NPIPB2: variants seen among roughly 807,000 people sequenced by gnomAD.
NPIPB2 encodes the protein nuclear pore complex-interacting protein family member B2.
NPIPB2 carries 27 observed loss-of-function variants against 30.8 expected under a neutral mutation model. The observed-to-expected ratio is 0.88, with a 90% CI of 0.65 to 1.21. The LOEUF is 1.21. NPIPB2 is among the 50% of genes most tolerant of loss of function. NPIPB2 has a pLI of 0.00. For synonymous variants in NPIPB2, 147 were observed against 162.0 expected (o/e 0.91, Z 0.70); for missense variants, 440 against 446.2 (o/e 0.99, Z 0.13).
chr16:11,964,987 C>A, intron 1 of NPIPB2: 1 of 367,834 alleles, frequency 2.7e-6, no homozygotes, highest in Non-Finnish European at 5.0e-6. Context: ...CGGCTTGATG[C>A]TGTGGGCTTG....
upstream of NPIPB2, among the ~76,000 whole-genome samples, chr16:11,942,935 T>C (rs1337224562): frequency 6.6e-6 from 1 of 151,532 alleles, no homozygotes. Flanking sequence ...CATAAGGTTA[T>C]TGTAAACAGG....
At chr16:11,965,160 C>T (rs924671976) in intron 1 of NPIPB2, 88 of 784,310 alleles carry the variant, frequency 1.1e-4, no homozygotes, top group Middle Eastern at 3.3e-4. Flanking sequence ...CCTTAGCTGC[C>T]GCGAAGACAC....
intron 1 of NPIPB2, chr16:11,965,431 C>T: frequency 6.2e-7 from 1 of 1,614,152 alleles, no homozygotes; most frequent in Non-Finnish European, 8.5e-7. Context: ...CCTCCTCTAA[C>T]ATGTCAGCGT....
intron 1 of NPIPB2, among the ~76,000 whole-genome samples, chr16:11,954,911 A>AG (rs1429477580): frequency 1.3e-5 from 2 of 151,692 alleles, no homozygotes; most frequent in East Asian, 1.9e-4. Flanking sequence ...CTGTCTCAAA[A>AG]AAAAAAAAAT....
At chr16:11,927,403 C>T (rs1163659196) in exon 8 of NPIPB2, 1 of 994,028 alleles carries the variant, frequency 1.0e-6, no homozygotes, top group Non-Finnish European at 1.5e-6. Flanking sequence ...CTGTTCTCAG[C>T]TTACTCAACC....
intron 1 of NPIPB2, among the ~76,000 whole-genome samples, chr16:11,947,405 C>T (rs891449240): frequency 1.5e-4 from 23 of 150,096 alleles, no homozygotes; most frequent in African/African-American, 4.9e-4. Flanking sequence ...AGTGCAGTGG[C>T]GCGATCTCGG....
At chr16:11,939,157 C>T (rs946156739) in intron 1 of NPIPB2, among the ~76,000 whole-genome samples, 2 of 151,846 alleles carry the variant, frequency 1.3e-5, no homozygotes, top group African/African-American at 4.8e-5. Context: ...TAATACTTCT[C>T]TCTTGGATTA....
At chr16:11,937,884 G>C (rs905667599) in intron 1 of NPIPB2, among the ~76,000 whole-genome samples, 20 of 152,270 alleles carry the variant, frequency 1.3e-4, no homozygotes, top group African/African-American at 4.8e-4. Flanking sequence ...CAAATGTGGG[G>C]TGTTGTCTTT....
chr16:11,942,447 C>A (rs2054953504), upstream of NPIPB2, among the ~76,000 whole-genome samples: 4 of 149,032 alleles, frequency 2.7e-5, no homozygotes, highest in South Asian at 2.1e-4. Flanking sequence ...CTTTGTGGCA[C>A]AAGGTTGCAT....
At chr16:11,951,792 CCGAGGCGGGCGGA>C (rs2055068205) in intron 1 of NPIPB2, among the ~76,000 whole-genome samples, 15 of 151,954 alleles carry the variant, frequency 9.9e-5, no homozygotes, top group African/African-American at 3.6e-4. Context: ...CTTTGGGAGG[CCGAGGCGGGCGGA>C]TGATGAGGTC....
At chr16:11,949,369 C>T (rs1279227043) in intron 1 of NPIPB2, among the ~76,000 whole-genome samples, 1 of 152,114 alleles carries the variant, frequency 6.6e-6, no homozygotes, top group Non-Finnish European at 1.5e-5. Flanking sequence ...AGTTGTGTGA[C>T]CAGCGCTACA....
In NPIPB2 at chr16:11,930,528, TCA is replaced by T; in HGVS notation, c.510_511del (p.Cys170Ter). 6.3e-7 allele frequency: 1 copy of T among 1,586,998 alleles called. No individual in the cohort carries two copies. Among genetic ancestry groups the T allele is most frequent in the Non-Finnish European group, 8.5e-7 (1 of 1,175,428 alleles). On this transcript the variant is annotated stop_gained and frameshift_variant, in exon 5 of 8. Transcript: ENST00000399147. LOFTEE classifies it high-confidence loss of function. ...CACCTGCCTCTCCTTTTCTGCATGC[TCA>T]CATTCTTTCACGCTTAGTTTCCTCA...
At chr16:11,942,841 C>T (rs1245062752), upstream of NPIPB2, among the ~76,000 whole-genome samples, 1 of 152,056 alleles carries the variant, frequency 6.6e-6, no homozygotes, top group Admixed American at 6.6e-5. Flanking sequence ...GCCTTCTGCC[C>T]GATCACACAG....
intron 1 of NPIPB2, among the ~76,000 whole-genome samples, chr16:11,969,495 T>C (rs1266327641): frequency 1.3e-5 from 2 of 152,196 alleles, no homozygotes; most frequent in African/African-American, 4.8e-5. Flanking sequence ...GACCTCGTGA[T>C]CCACCTGTCT....
chr16:11,946,310 G>C (rs561955853), upstream of NPIPB2, among the ~76,000 whole-genome samples: 1 of 150,796 alleles, frequency 6.6e-6, no homozygotes, highest in African/African-American at 2.4e-5. Context: ...GCTTGAACCC[G>C]GGAGGTGGAG....
intron 1 of NPIPB2, among the ~76,000 whole-genome samples, chr16:11,968,962 G>T (rs1229931158): frequency 6.6e-6 from 1 of 151,878 alleles, no homozygotes; most frequent in African/African-American, 2.4e-5. Context: ...CACCTCTCAG[G>T]TTCAAGCGAT....
Position 11,965,248 on chromosome 16 carries a change from T to C in NPIPB2, c.-584+11320A>G. 5.1e-6 allele frequency: 8 copies of C among 1,575,050 alleles called. No individual in the cohort carries two copies. The South Asian group carries it at 9.2e-5, about 18-fold the overall frequency. ...TTCTAGCTGCTCTTGCTGCATTTGC[T>C]CTGGAATTCTTGTAGAGATATTACT... On this transcript the variant is annotated intron_variant, in intron 1 of 5. Transcript: ENST00000538896.
chr16:11,937,674 A>G lies in NPIPB2; in HGVS notation c.64-6T>C. The G allele has an allele frequency of 6.3e-7, 1 of 1,598,390 alleles. No individual in the cohort carries two copies. The highest frequency in any genetic ancestry group is 8.5e-7 in the Non-Finnish European group (1 of 1,179,166). On this transcript the variant is annotated splice_polypyrimidine_tract_variant and splice_region_variant and intron_variant, in intron 1 of 7. Transcript: ENST00000399147. ...TCAGCCAGAGTATTGATAACCTGGA[A>G]TAATAATAGTTGAAATAATGAAAAG...
At chr16:11,972,994 C>T (rs541872555) in intron 1 of NPIPB2, among the ~76,000 whole-genome samples, 1 of 151,802 alleles carries the variant, frequency 6.6e-6, no homozygotes, top group African/African-American at 2.4e-5. Context: ...AATCCTAACT[C>T]TACTAAAAGT....
Sources: gnomAD v4.1 joint callset for allele counts (sites outside exome capture counted in the v4.1 genomes callset) on GRCh38, gnomAD v4.1.1 for gene constraint, MANE v1.5 for transcripts, NCBI Gene and HGNC (gene_info 2026-07-23, HGNC 2026-07-21) for gene names.